The following WDR27 variants were observed in gnomAD, a reference collection of about 807,000 sequenced individuals.
WDR27 encodes the protein WD repeat-containing protein 27.
In WDR27, 100 loss-of-function variants were observed where a neutral mutation model predicts 114.4. The observed-to-expected ratio is 0.87, with a 90% CI of 0.74 to 1.03. The LOEUF (loss-of-function observed/expected upper bound fraction) is 1.03, where lower values mean the gene tolerates loss of function less well. Ranked by LOEUF, WDR27 falls within the 50% of genes least tolerant of loss-of-function variation. The pLI, the probability that WDR27 is intolerant of heterozygous loss-of-function variation, is 0.00. For missense variants in WDR27, 1,129 were observed against 1,092.9 expected (o/e 1.03, Z -0.47); for synonymous variants, 449 against 423.1 (o/e 1.06, Z -0.75).
At chr6:169,666,082 A>G (rs560772858) in intron 6 of WDR27, among the ~76,000 whole-genome samples, 3 of 152,380 alleles carry the variant, frequency 2.0e-5, no homozygotes, top group Admixed American at 2.0e-4. Flanking sequence ...CTAAACTGTC[A>G]GTAATTTAGG....
chr6:169,518,437 C>T (rs1235402310), intron 25 of WDR27, among the ~76,000 whole-genome samples: 1 of 152,250 alleles, frequency 6.6e-6, no homozygotes, highest in East Asian at 1.9e-4. Context: ...AGGCTTAATG[C>T]CACATGGAAG....
At chr6:169,576,109 G>A (rs533987425) in intron 24 of WDR27, among the ~76,000 whole-genome samples, 1 of 152,366 alleles carries the variant, frequency 6.6e-6, no homozygotes, top group Non-Finnish European at 1.5e-5. Flanking sequence ...AGCACCAGAT[G>A]AACACCACTC....
intron 25 of WDR27, among the ~76,000 whole-genome samples, chr6:169,481,687 G>A (rs1039096704): frequency 6.6e-6 from 1 of 152,064 alleles, no homozygotes; most frequent in Non-Finnish European, 1.5e-5. Context: ...CACTTCTGAA[G>A]CCAGTGAAAC....
At chr6:169,514,515 C>A (rs995112405) in intron 25 of WDR27, among the ~76,000 whole-genome samples, 2 of 130,188 alleles carry the variant, frequency 1.5e-5, no homozygotes, top group African/African-American at 2.9e-5. Flanking sequence ...ATTTTTTCCC[C>A]AACTATATAT....
the WDR27 span, among the ~76,000 whole-genome samples, chr6:169,449,885 C>T: frequency 1.6e-4 from 25 of 152,324 alleles, no homozygotes; most frequent in East Asian, 4.6e-3. Context: ...GCACACTAAA[C>T]TACCACAATA....
intron 7 of WDR27, chr6:169,664,698 A>G: frequency 1.6e-5 from 16 of 1,007,052 alleles, no homozygotes; most frequent in South Asian, 4.4e-5. Flanking sequence ...CTAAGTTTTC[A>G]AAATTATCTT....
At chr6:169,701,158 A>C (rs1035419014) in intron 1 of WDR27, among the ~76,000 whole-genome samples, 3 of 152,250 alleles carry the variant, frequency 2.0e-5, no homozygotes, top group African/African-American at 7.2e-5. Context: ...ACATAAAAAG[A>C]TGAAAACTCT....
At chr6:169,621,555 C>G (rs1368905105) in intron 21 of WDR27, among the ~76,000 whole-genome samples, 2 of 151,928 alleles carry the variant, frequency 1.3e-5, no homozygotes, top group African/African-American at 4.8e-5. Flanking sequence ...TACATACACA[C>G]ACGCATTCAT....
chr6:169,669,446 G>C (rs1274245543), intron 4 of WDR27: 1 of 152,174 alleles, frequency 6.6e-6, no homozygotes, highest in Non-Finnish European at 1.5e-5. Context: ...CTGACCCCAG[G>C]CTGATGGTTC....
intron 14 of WDR27, 40 bp downstream of exon 14, chr6:169,651,890 C>T: frequency 6.4e-7 from 1 of 1,573,796 alleles, no homozygotes; most frequent in African/African-American, 1.4e-5. Context: ...ATCTGTGACG[C>T]AGGTGCATTT....
At chr6:169,550,883 CTT>C (rs1391047923) in intron 25 of WDR27, among the ~76,000 whole-genome samples, 1 of 152,054 alleles carries the variant, frequency 6.6e-6, no homozygotes, top group Non-Finnish European at 1.5e-5. Context: ...GCCTGGTTAA[CTT>C]TTGTATGTTT....
In WDR27 at chr6:169,651,185, GGGGGGGGGAGT is replaced by G. The variant is rs1822404638; in HGVS notation, c.1481+734_1481+744del. On this transcript the variant is annotated intron_variant, in intron 14 of 25. Transcript: ENST00000448612. ...GCCTGGAGCACAGCAGTGCGGGGCG[GGGGGGGGGAGT>G]GGGGGAGTGGGGGAGTGGCCAGGGG... Among the ~76,000 whole-genome samples the G allele has an allele frequency of 2.8e-5, 3 of 107,638 alleles. 1 individual carries two copies. Among genetic ancestry groups the G allele is most frequent in the Non-Finnish European group, 5.4e-5 (3 of 55,068 alleles). The allele number at this position is 107,638 out of a possible 152,430, so 70.6% of individuals were successfully genotyped here.
rs184118937 is a variant in WDR27 at position 169,681,765 on chromosome 6, T to G, written c.189+7052A>C. On this transcript the variant is annotated intron_variant, in intron 2 of 25. Coordinates refer to ENST00000448612, the MANE Select transcript of WDR27 (RefSeq NM_182552.5). The stretch of plus-strand genomic sequence containing the variant: ...GGAGACTTGCCCGTATCTTGCAACC[T>G]GGGAGTCTCAGCCCTCCCTGGCAGG... Among the ~76,000 whole-genome samples the G allele has an allele frequency of 2.6e-3, 399 of 152,304 alleles. 2 individuals carry two copies. The highest frequency in any genetic ancestry group is 9.2e-3 in the African/African-American group (384 of 41,572).
intron 25 of WDR27, among the ~76,000 whole-genome samples, chr6:169,505,150 T>C (rs1325211343): frequency 4.6e-5 from 7 of 152,198 alleles, no homozygotes; most frequent in African/African-American, 1.7e-4. Flanking sequence ...GAGATGAATG[T>C]AGATCATATA....
chr6:169,610,164 A>G (rs989633683), intron 22 of WDR27, among the ~76,000 whole-genome samples: 2 of 152,070 alleles, frequency 1.3e-5, no homozygotes, highest in African/African-American at 4.8e-5. Flanking sequence ...ACATTTTCCT[A>G]TCCTCTGAGC....
intron 21 of WDR27, among the ~76,000 whole-genome samples, chr6:169,631,951 C>A (rs1197761025): frequency 2.0e-5 from 3 of 152,046 alleles, no homozygotes; most frequent in Non-Finnish European, 4.4e-5. Flanking sequence ...CTTTGGGAGG[C>A]CGAGGCAGGC....
intron 1 of WDR27, among the ~76,000 whole-genome samples, chr6:169,697,325 G>A (rs1233169955): frequency 6.6e-6 from 1 of 152,182 alleles, no homozygotes; most frequent in Non-Finnish European, 1.5e-5. Flanking sequence ...TGGTCTAGCG[G>A]TAACGCCAGC....
intron 13 of WDR27, among the ~76,000 whole-genome samples, chr6:169,652,768 G>A (rs1020271936): frequency 6.6e-6 from 1 of 152,330 alleles, no homozygotes; most frequent in Admixed American, 6.5e-5. Context: ...CTACAGAAAA[G>A]TTATCTCTGT....
At chr6:169,468,992 T>G (rs749688055) in intron 25 of WDR27, among the ~76,000 whole-genome samples, 2 of 152,168 alleles carry the variant, frequency 1.3e-5, no homozygotes, top group Non-Finnish European at 2.9e-5. Context: ...CTTATAGAAT[T>G]AGGACTCCAC....
Sources: gnomAD v4.1 joint callset for allele counts (sites outside exome capture counted in the v4.1 genomes callset) on GRCh38, gnomAD v4.1.1 for gene constraint, MANE v1.5 for transcripts, NCBI Gene and HGNC (gene_info 2026-07-23, HGNC 2026-07-21) for gene names.